Variants in ELN observed in about 807,000 individuals in gnomAD.
ELN encodes the protein elastin.
In ELN, 65 loss-of-function variants were observed where a neutral mutation model predicts 105.8. That is an observed-to-expected ratio of 0.61 (90% CI 0.50 to 0.75). ELN has a LOEUF of 0.75. ELN is among the 30% of genes least tolerant of loss of function. The probability of loss-of-function intolerance (pLI) is 0.00; values close to 1 mark genes in which losing one functional copy is unlikely to be tolerated. For missense variants in ELN, 882 were observed against 969.4 expected (o/e 0.91, Z 1.20); for synonymous variants, 368 against 389.2 (o/e 0.95, Z 0.64).
chr7:74,053,181 T>A lies in ELN; in HGVS notation c.968T>A (p.Val323Glu). ...TCCACAGGAGCTGCTGCAGGCTTAGTGCCTGGTGGGCCAGGCTTTGGCCCG... is the reference window on the plus strand; with the variant it reads ...TCCACAGGAGCTGCTGCAGGCTTAGAGCCTGGTGGGCCAGGCTTTGGCCCG... ...AAKYGAAAGL[V>E]PGGPGFGPGV... Residue 323 changes from valine (V) to glutamate (E), a missense_variant, in exon 18 of 33, where the codon GTG becomes GAG. Transcript: ENST00000252034. 1 of 1,614,218 alleles carries A rather than the reference T, an allele frequency of 6.2e-7. No individual in the cohort carries two copies. Among genetic ancestry groups the A allele is most frequent in the Non-Finnish European group, 8.5e-7 (1 of 1,180,032 alleles).
At chr7:74,046,298 C>A in intron 11 of ELN, 81 bp downstream of exon 11, 1 of 1,591,926 alleles carries the variant, frequency 6.3e-7, no homozygotes, top group East Asian at 2.2e-5. Flanking sequence ...CACCCAAGAT[C>A]CCATCCAAGC....
chr7:74,064,194 A>G (rs113395463), intron 29 of ELN, among the ~76,000 whole-genome samples: 12,166 of 151,434 alleles, frequency 0.08, 629 homozygotes, highest in Middle Eastern at 0.13. Context: ...TGAGGTGGGC[A>G]GATCACGAGG....
intron 15 of ELN, 127 bp downstream of exon 15, chr7:74,048,683 A>C: frequency 9.4e-7 from 1 of 1,062,200 alleles, no homozygotes; most frequent in Non-Finnish European, 1.4e-6. Context: ...TTTCAACATC[A>C]CCCATCTATC....
chr7:74,032,715 C>G (rs565920913), intron 1 of ELN, among the ~76,000 whole-genome samples: 3 of 152,152 alleles, frequency 2.0e-5, no homozygotes, highest in East Asian at 1.9e-4. Context: ...GTCTTCCCCC[C>G]AGAAAGTGCC....
intron 18 of ELN, among the ~76,000 whole-genome samples, chr7:74,053,543 T>C (rs1794582105): frequency 2.6e-5 from 4 of 152,224 alleles, no homozygotes; most frequent in Admixed American, 2.0e-4. Flanking sequence ...ATCAGTGTTC[T>C]CTGGGGGGCA....
At chr7:74,033,382 G>A (rs1019991039) in intron 1 of ELN, among the ~76,000 whole-genome samples, 2 of 152,246 alleles carry the variant, frequency 1.3e-5, no homozygotes, top group Non-Finnish European at 2.9e-5. Context: ...AGAGAAAGAC[G>A]CATAAGAGAC....
rs541115449 is a variant in ELN, at chr7:74,028,179, C to T, written c.-9C>T. On this transcript the variant is annotated 5_prime_UTR_variant, in exon 1 of 33. Transcript: ENST00000252034. ...GTGCGGAGAGCGGGCTGGGGCATTT[C>T]TCCCCGAGATGGCGGGTCTGACGGC... The T allele has an allele frequency of 5.0e-6, 8 of 1,604,684 alleles. No homozygotes were observed. In the African/African-American group the frequency reaches 6.7e-5, roughly 13 times the overall value.
chr7:74,049,931 A>G (rs1554675002), intron 15 of ELN, among the ~76,000 whole-genome samples: 4 of 137,394 alleles, frequency 2.9e-5, no homozygotes. Context: ...CCATACATCA[A>G]TCCACCCATC....
At chr7:74,044,272 G>A (rs1235560367) in intron 9 of ELN, among the ~76,000 whole-genome samples, 1 of 151,950 alleles carries the variant, frequency 6.6e-6, no homozygotes, top group African/African-American at 2.4e-5. Flanking sequence ...GAAAAGAAAA[G>A]CAGCCCCCTC....
intron 1 of ELN, among the ~76,000 whole-genome samples, chr7:74,029,545 G>C (rs1296479264): frequency 3.9e-5 from 6 of 152,124 alleles, no homozygotes; most frequent in African/African-American, 1.2e-4. Context: ...GGGCGGGAGG[G>C]CCACGGGGTG....
intron 26 of ELN, 144 bp downstream of exon 26, chr7:74,061,283 G>A (rs552791619): frequency 2.8e-5 from 27 of 960,768 alleles, no homozygotes; most frequent in Admixed American, 1.2e-4. Flanking sequence ...TTGGGAGGCC[G>A]AGGCAGGCAG....
intron 32 of ELN, 62 bp from the exon 33 acceptor site, chr7:74,068,595 G>A: frequency 1.2e-6 from 2 of 1,604,786 alleles, no homozygotes; most frequent in African/African-American, 1.3e-5. Flanking sequence ...AGAGCAGGCG[G>A]GGATTAGAGC....
intron 4 of ELN, among the ~76,000 whole-genome samples, chr7:74,039,125 A>G (rs1163660054): frequency 6.6e-6 from 1 of 152,214 alleles, no homozygotes; most frequent in Non-Finnish European, 1.5e-5. Flanking sequence ...CATTGATCCC[A>G]CTAGGAGCAA....
intron 2 of ELN, chr7:74,035,760 T>G (rs79148328): frequency 2.4e-4 from 89 of 366,674 alleles, no homozygotes; most frequent in Non-Finnish European, 4.0e-4. Flanking sequence ...TTGAGAAAAA[T>G]GAAAATGAAG....
intron 1 of ELN, among the ~76,000 whole-genome samples, chr7:74,033,248 C>T (rs1211476173): frequency 5.9e-5 from 9 of 152,234 alleles, no homozygotes; most frequent in African/African-American, 1.9e-4. Context: ...TTGCTCTTCC[C>T]CCCACCTCCA....
At position 74,046,615 on chromosome 7, in the gene ELN, G is replaced by T. The variant is rs1432394775; in HGVS notation, c.572-81G>T. On this transcript the variant is annotated intron_variant, in intron 11 of 32. Coordinates refer to ENST00000252034, the MANE Select transcript of ELN (RefSeq NM_000501.4). The stretch of plus-strand genomic sequence containing the variant: ...CTGGATGCTGTAGCAAGCTCCTTCT[G>T]TCTGAGCAGAAAGTGGAGTGGGTGG... 11 of 1,485,328 alleles carry T rather than the reference G, an allele frequency of 7.4e-6. No individual in the cohort carries two copies. In the East Asian group the frequency reaches 1.4e-4, roughly 18 times the overall value. 92.0% of individuals were successfully genotyped at this position (1,485,328 alleles called of 1,614,324 possible). A position where few individuals can be genotyped will look rare whatever the true frequency, so the allele number is the denominator to read the frequency against.
chr7:74,065,033 G>A (rs1797628212), intron 29 of ELN, among the ~76,000 whole-genome samples: 1 of 151,958 alleles, frequency 6.6e-6, no homozygotes. Context: ...TTGAGGCCAG[G>A]AGTTCAAGAC....
intron 21 of ELN, chr7:74,057,431 C>A (rs569004868): frequency 1.3e-6 from 2 of 1,523,110 alleles, no homozygotes; most frequent in Admixed American, 2.1e-5. Context: ...GTGCCCCAGG[C>A]GCAGTCCCAG....
At chr7:74,052,097 T>C in intron 17 of ELN, 114 bp downstream of exon 17, 1 of 1,174,224 alleles carries the variant, frequency 8.5e-7, no homozygotes. Context: ...ATATGCATTG[T>C]TCATGCCTCC....
Sources: allele counts gnomAD v4.1 joint callset (sites outside exome capture counted in the v4.1 genomes callset), GRCh38; gene constraint gnomAD v4.1.1; transcripts MANE v1.5; gene names NCBI Gene and HGNC (gene_info 2026-07-23, HGNC 2026-07-21).